The following MGMT variants were observed in gnomAD, a reference collection of about 807,000 sequenced individuals.
MGMT encodes O-6-methylguanine-DNA methyltransferase, also known as methylated-DNA--protein-cysteine methyltransferase.
MGMT carries 14 observed loss-of-function variants against 15.9 expected under a neutral mutation model. The ratio of observed to expected loss-of-function variants is 0.88; its 90% CI spans 0.58 to 1.37. The LOEUF (loss-of-function observed/expected upper bound fraction) is 1.37, where lower values mean the gene tolerates loss of function less well. MGMT is among the 40% of genes most tolerant of loss of function. The pLI is 0.00. For synonymous variants in MGMT, 130 were observed against 118.2 expected, an observed-to-expected ratio of 1.10 and a Z score of -0.65; for missense variants, 282 against 268.1, an observed-to-expected ratio of 1.05 and a Z score of -0.36.
chr10:129,683,541 G>A (rs911336751), intron 2 of MGMT, among the ~76,000 whole-genome samples: 3 of 152,168 alleles, frequency 2.0e-5, no homozygotes, highest in East Asian at 1.9e-4. Context: ...ACTTCCTGAC[G>A]TTGATCACAG....
chr10:129,479,084 A>G (rs12250054), intron 1 of MGMT, among the ~76,000 whole-genome samples: 29,261 of 152,162 alleles, frequency 0.19, 3,641 homozygotes, highest in Non-Finnish European at 0.27. Flanking sequence ...CAGTTGTATC[A>G]GTTTATTACC....
At chr10:129,505,930 A>C (rs1845620221) in intron 1 of MGMT, among the ~76,000 whole-genome samples, 1 of 150,046 alleles carries the variant, frequency 6.7e-6, no homozygotes, top group South Asian at 2.1e-4. Flanking sequence ...GGTGCTGAGC[A>C]CACCAACAGG....
intron 3 of MGMT, among the ~76,000 whole-genome samples, chr10:129,750,926 G>A (rs1848744675): frequency 6.6e-6 from 1 of 151,970 alleles, no homozygotes; most frequent in East Asian, 1.9e-4. Flanking sequence ...TTGATGTCTT[G>A]TTCTTTTTAT....
At chr10:129,562,244 C>G (rs943142864) in intron 2 of MGMT, among the ~76,000 whole-genome samples, 2 of 152,222 alleles carry the variant, frequency 1.3e-5, no homozygotes, top group African/African-American at 4.8e-5. Context: ...TCTTGTGAGT[C>G]TCTTGATAGA....
intron 2 of MGMT, among the ~76,000 whole-genome samples, chr10:129,614,998 T>C (rs1847006913): frequency 6.6e-6 from 1 of 152,120 alleles, no homozygotes; most frequent in African/African-American, 2.4e-5. Context: ...TTAAAGCTTA[T>C]TTTTGAAGTG....
rs181099101 is a variant in MGMT at position 129,639,327 on chromosome 10, C to T, written c.126-68568C>T. The stretch of plus-strand genomic sequence containing the variant: ...TAAAGTATTCAGTTCACCAAAAAGA[C>T]CTAACAGTCTTAAATGGCTATGTAC... On this transcript the variant is annotated intron_variant, in intron 2 of 4. Transcript: ENST00000651593. 2.0e-3 allele frequency among the ~76,000 whole-genome samples: 301 copies of T among 152,138 alleles called. 2 individuals carry two copies. Among genetic ancestry groups the T allele is most frequent in the Admixed American group, 2.9e-3 (44 of 15,278 alleles).
rs373239622 is a variant in MGMT at position 129,506,306 on chromosome 10, G to A, written c.-12-29935G>A. Among the ~76,000 whole-genome samples the A allele has an allele frequency of 3.4e-4, 52 of 152,122 alleles. 1 individual carries two copies. The South Asian group carries it at 0.011, about 31-fold the overall frequency. ...CCCAGCTTGTCCCTGGCCCCACCCC[G>A]GATTTCCCTGCCTACCCTCGGTTCA... On this transcript the variant is annotated intron_variant, in intron 1 of 4. Coordinates refer to ENST00000651593, the MANE Select transcript of MGMT (RefSeq NM_002412.5).
chr10:129,759,609 G>C (rs1362978767), intron 4 of MGMT, among the ~76,000 whole-genome samples: 1 of 152,154 alleles, frequency 6.6e-6, no homozygotes, highest in Admixed American at 6.5e-5. Context: ...GGAGAGGAGG[G>C]AGCCTGGAGG....
intron 1 of MGMT, among the ~76,000 whole-genome samples, chr10:129,492,872 G>A (rs1027072931): frequency 2.6e-5 from 4 of 152,224 alleles, no homozygotes; most frequent in Non-Finnish European, 5.9e-5. Flanking sequence ...TCCATTCTGA[G>A]CACTTGCTTG....
At chr10:129,723,763 C>T (rs1344178896) in intron 3 of MGMT, among the ~76,000 whole-genome samples, 2 of 152,144 alleles carry the variant, frequency 1.3e-5, no homozygotes, top group African/African-American at 4.8e-5. Flanking sequence ...CACAGATTGG[C>T]CCCTGAGCTC....
chr10:129,563,333 C>T (rs1405399831), intron 2 of MGMT, among the ~76,000 whole-genome samples: 4 of 151,956 alleles, frequency 2.6e-5, no homozygotes, highest in South Asian at 2.1e-4. Flanking sequence ...ATGACCCTGC[C>T]GGTCTGTGCC....
intron 1 of MGMT, among the ~76,000 whole-genome samples, chr10:129,509,356 G>A (rs566259523): frequency 4.2e-4 from 64 of 151,968 alleles, no homozygotes; most frequent in African/African-American, 1.4e-3. Flanking sequence ...CACCTTCCAC[G>A]CCCAGCACAC....
At chr10:129,601,601 C>G (rs562715311) in intron 2 of MGMT, among the ~76,000 whole-genome samples, 1 of 152,156 alleles carries the variant, frequency 6.6e-6, no homozygotes, top group African/African-American at 2.4e-5. Flanking sequence ...ACCTCGAGAT[C>G]GATTCAGGCC....
At chr10:129,697,660 A>G (rs888950091) in intron 2 of MGMT, among the ~76,000 whole-genome samples, 1 of 152,086 alleles carries the variant, frequency 6.6e-6, no homozygotes, top group Non-Finnish European at 1.5e-5. Context: ...GAGTGCATTG[A>G]TCCTCAACCG....
At chr10:129,757,355 A>G (rs1056560729) in intron 3 of MGMT, among the ~76,000 whole-genome samples, 3 of 152,314 alleles carry the variant, frequency 2.0e-5, no homozygotes, top group Non-Finnish European at 4.4e-5. Flanking sequence ...GAACCATGCC[A>G]TTGTTTCTCG....
intron 2 of MGMT, among the ~76,000 whole-genome samples, chr10:129,610,305 A>G (rs1165280906): frequency 1.3e-5 from 2 of 152,218 alleles, no homozygotes; most frequent in Non-Finnish European, 2.9e-5. Flanking sequence ...TGTCAGGCCC[A>G]TGTCATCTGC....
At chr10:129,734,530 T>C (rs1848538307) in intron 3 of MGMT, among the ~76,000 whole-genome samples, 2 of 152,002 alleles carry the variant, frequency 1.3e-5, no homozygotes, top group South Asian at 4.2e-4. Context: ...ACTTCCTCTT[T>C]TCCTAATTGA....
intron 2 of MGMT, among the ~76,000 whole-genome samples, chr10:129,599,657 A>G (rs753595066): frequency 6.2e-4 from 94 of 152,226 alleles, no homozygotes; most frequent in Non-Finnish European, 1.1e-3. Context: ...GTCAGTGCAG[A>G]CATATGCTTG....
At chr10:129,611,624 G>T (rs1421481449) in intron 2 of MGMT, among the ~76,000 whole-genome samples, 1 of 152,158 alleles carries the variant, frequency 6.6e-6, no homozygotes, top group Non-Finnish European at 1.5e-5. Flanking sequence ...CTTGCATTAT[G>T]ACCTAGTTGC....
Sources: allele counts gnomAD v4.1 joint callset (sites outside exome capture counted in the v4.1 genomes callset), GRCh38; gene constraint gnomAD v4.1.1; transcripts MANE v1.5; gene names NCBI Gene and HGNC (gene_info 2026-07-23, HGNC 2026-07-21).